Variants in STOML3 observed in about 807,000 individuals in gnomAD.
STOML3 encodes stomatin like 3.
A neutral mutation model predicts 29.5 loss-of-function variants in STOML3; 31 were observed. The ratio of observed to expected loss-of-function variants is 1.05; its 90% CI spans 0.79 to 1.42. The LOEUF is 1.42. Ranked by LOEUF, STOML3 falls within the 40% of genes most tolerant of loss-of-function variation. STOML3 has a pLI of 0.00. For synonymous variants in STOML3, 122 were observed against 139.8 expected (o/e 0.87, Z 0.90); for missense variants, 380 against 363.0 (o/e 1.05, Z -0.38).
In STOML3 at chr13:38,968,626, C is replaced by CT. The variant is rs1055970594; in HGVS notation, c.517-93dup. ...TTTTATACTTTCAAGATACATTTTT[C>CT]TTTTTTTTCTTTTTCTTTTGCATTT... is the stretch of plus-strand genomic sequence containing the variant. On this transcript the variant is annotated intron_variant, in intron 5 of 6. Coordinates refer to ENST00000379631, the MANE Select transcript of STOML3 (RefSeq NM_145286.3). The CT allele has an allele frequency of 9.3e-4, 1,354 of 1,455,180 alleles. 5 individuals carry two copies. The highest frequency in any genetic ancestry group is 1.4e-3 in the Middle Eastern group (8 of 5,528). 90.1% of individuals were successfully genotyped at this position (1,455,180 alleles called of 1,614,324 possible).
intron 3 of STOML3, 94 bp from the exon 4 acceptor site, chr13:38,972,688 T>C (rs983939097): frequency 9.4e-7 from 1 of 1,068,882 alleles, no homozygotes; most frequent in South Asian, 1.4e-5. Context: ...CATGGGGCGA[T>C]ACATGTTTCT....
chr13:38,976,505 T>C, intron 3 of STOML3, 35 bp downstream of exon 3: 3 of 1,612,104 alleles, frequency 1.9e-6, no homozygotes, highest in Non-Finnish European at 2.5e-6. Context: ...TAGGTGTCCC[T>C]GATCTTTCAG....
At chr13:38,978,006 C>T (rs940352489) in intron 1 of STOML3, among the ~76,000 whole-genome samples, 1 of 151,820 alleles carries the variant, frequency 6.6e-6, no homozygotes, top group Non-Finnish European at 1.5e-5. Context: ...GTGATCTGCC[C>T]GCCTCAGCCT....
chr13:38,987,804 A>ATATATAATATATTATATTT (rs1204113261), intron 1 of STOML3, among the ~76,000 whole-genome samples: 7 of 104,392 alleles, frequency 6.7e-5, no homozygotes, highest in Admixed American at 4.3e-4. Flanking sequence ...ATTATATTTT[A>ATATATAATATATTATATTT]TATATAATAT....
Position 38,968,485 on chromosome 13 carries a change from A to C in STOML3, c.566T>G (p.Val189Gly), listed in dbSNP as rs763461513. 1 of 1,614,128 alleles carries C rather than the reference A, an allele frequency of 6.2e-7. No homozygotes were observed. The highest frequency in any genetic ancestry group is 8.5e-7 in the Non-Finnish European group (1 of 1,180,016). The change falls in exon 6 of 7, where the codon GTG becomes GGG. Residue 189 changes from valine (V) to glycine (G), a missense_variant. Coordinates refer to ENST00000379631, the MANE Select transcript of STOML3 (RefSeq NM_145286.3). ...GGGAATCCGAACATCTTTGATTTCC[A>C]CTCGGGCCACCCGGATCCCCCACAG... ...TELWGIRVAR[V>G]EIKDVRIPVQ...
rs1213857483 is a variant in STOML3 at position 38,976,938 on chromosome 13, G to C, written c.53-141C>G. The C allele has an allele frequency of 5.9e-6, 4 of 673,482 alleles. No homozygotes were observed. The East Asian group carries it at 1.1e-4, about 18-fold the overall frequency. The allele number at this position is 673,482 out of a possible 1,614,324, so 41.7% of individuals were successfully genotyped here. On this transcript the variant is annotated intron_variant, in intron 1 of 6. Coordinates refer to ENST00000379631, the MANE Select transcript of STOML3 (RefSeq NM_145286.3). ...AAAACCTAAATCCATTTACACCATG[G>C]ATGTAGTCACACACACGTACATACA...
chr13:38,988,246 T>C (rs1326842362), intron 1 of STOML3, among the ~76,000 whole-genome samples: 3 of 90,264 alleles, frequency 3.3e-5, no homozygotes, highest in African/African-American at 1.6e-4. Flanking sequence ...TTATATATAA[T>C]ATATTATATT....
At chr13:38,985,911 C>CTTT (rs1170409048) in intron 1 of STOML3, among the ~76,000 whole-genome samples, 8,271 of 85,524 alleles carry the variant, frequency 0.097, 890 homozygotes, top group African/African-American at 0.16. Context: ...TCTTTTCTTT[C>CTTT]TTTTTTTTTT....
intron 1 of STOML3, among the ~76,000 whole-genome samples, chr13:38,989,825 G>T (rs1868927348): frequency 6.6e-6 from 1 of 151,998 alleles, no homozygotes; most frequent in Non-Finnish European, 1.5e-5. Context: ...TATTAGTAAT[G>T]CCAAACGTGT....
At chr13:38,985,372 G>A (rs529614359) in intron 1 of STOML3, among the ~76,000 whole-genome samples, 45 of 152,260 alleles carry the variant, frequency 3.0e-4, no homozygotes, top group African/African-American at 1.0e-3. Context: ...GCAATGAGCC[G>A]AGATCGCGCT....
At chr13:38,988,630 T>TG (rs1868842198) in intron 1 of STOML3, among the ~76,000 whole-genome samples, 1 of 122,580 alleles carries the variant, frequency 8.2e-6, no homozygotes, top group Non-Finnish European at 1.6e-5. Context: ...TATAATATAT[T>TG]ATATTTTATA....
intron 1 of STOML3, among the ~76,000 whole-genome samples, chr13:38,988,118 T>TATATAAA (rs1274755039): frequency 9.1e-5 from 9 of 99,036 alleles, no homozygotes; most frequent in South Asian, 3.5e-4. Context: ...TCATATATTT[T>TATATAAA]ATATATTATA....
chr13:38,967,774 G>C (rs1880710532), intron 6 of STOML3, among the ~76,000 whole-genome samples: 1 of 152,176 alleles, frequency 6.6e-6, no homozygotes, highest in South Asian at 2.1e-4. Flanking sequence ...TTTCCAAAGA[G>C]GATACACAAA....
chr13:38,972,339 C>T (rs549216612), intron 4 of STOML3, among the ~76,000 whole-genome samples, 173 bp downstream of exon 4: 10 of 152,212 alleles, frequency 6.6e-5, no homozygotes. Context: ...TGGCAAAACA[C>T]ATTCTTTGTA....
rs138377017 is a variant in STOML3 at position 38,967,576 on chromosome 13, A to G, written c.652-527T>C. ...AGCCTTGTAACACTGGCAATCTCTT[A>G]AGTACATCACTCTTTATAGCTCTCA... On this transcript the variant is annotated intron_variant, in intron 6 of 6. Coordinates refer to ENST00000379631, the MANE Select transcript of STOML3 (RefSeq NM_145286.3). Among the ~76,000 whole-genome samples, 8 of 152,286 alleles carry G rather than the reference A, an allele frequency of 5.3e-5. No individual in the cohort carries two copies. In the East Asian group the frequency reaches 1.5e-3, roughly 29 times the overall value.
chr13:38,969,415 TG>T (rs1384078963), intron 5 of STOML3, among the ~76,000 whole-genome samples: 1 of 152,162 alleles, frequency 6.6e-6, no homozygotes, highest in Admixed American at 6.5e-5. Context: ...TGGCTGTGGA[TG>T]GGATACCTTT....
At chr13:38,982,408 G>T (rs1881300242) in intron 1 of STOML3, among the ~76,000 whole-genome samples, 1 of 151,546 alleles carries the variant, frequency 6.6e-6, no homozygotes, top group African/African-American at 2.4e-5. Context: ...TAAATCTTTT[G>T]AAAAGCTTCT....
chr13:38,967,249 A>T (rs550028634), intron 6 of STOML3, among the ~76,000 whole-genome samples, 200 bp from the exon 7 acceptor site: 3 of 152,242 alleles, frequency 2.0e-5, no homozygotes, highest in South Asian at 4.1e-4. Flanking sequence ...GCAAGGAGGG[A>T]TATTGTACAA....
rs369864765 is a variant in STOML3 at position 38,990,687 on chromosome 13, T to A, written c.35A>T (p.Asp12Val). ...GAACTTACCCACGAAATTCTCTTTATCTTGCTTCTCAGGTGAAGACACCCT... is the reference window on the plus strand; with the variant it reads ...GAACTTACCCACGAAATTCTCTTTAACTTGCTTCTCAGGTGAAGACACCCT... ...DSRVSSPEKQDKENFVGVNNK... is the reference protein window; with the variant it reads ...DSRVSSPEKQVKENFVGVNNK... The change falls in exon 1 of 7, where the codon GAT becomes GTT. Residue 12 changes from aspartate to valine, a missense_variant. Transcript: ENST00000379631. 25 of 1,613,928 alleles carry A rather than the reference T, an allele frequency of 1.5e-5. No individual in the cohort carries two copies. The highest frequency in any genetic ancestry group is 1.9e-5 in the Non-Finnish European group (23 of 1,179,970).
Sources: gnomAD v4.1 joint callset for allele counts (sites outside exome capture counted in the v4.1 genomes callset) on GRCh38, gnomAD v4.1.1 for gene constraint, MANE v1.5 for transcripts, NCBI Gene and HGNC (gene_info 2026-07-23, HGNC 2026-07-21) for gene names.